The following FKBP6 variants were observed in gnomAD, a reference collection of about 807,000 sequenced individuals.
FKBP6 encodes the protein inactive peptidyl-prolyl cis-trans isomerase FKBP6.
Under a neutral mutation model 41.7 loss-of-function variants are expected in FKBP6, and 29 were observed. That is an observed-to-expected ratio of 0.70 (90% CI 0.52 to 0.95). FKBP6 has a LOEUF of 0.95. Ranked by LOEUF, FKBP6 falls within the 40% of genes least tolerant of loss-of-function variation. FKBP6 has a pLI of 0.00. For synonymous variants in FKBP6, 130 were observed against 165.1 expected (o/e 0.79, Z 1.63); for missense variants, 338 against 408.7 (o/e 0.83, Z 1.49).
chr7:73,345,411 CT>C (rs1242871441), intron 8 of FKBP6, among the ~76,000 whole-genome samples: 1 of 152,020 alleles, frequency 6.6e-6, no homozygotes, highest in Admixed American at 6.6e-5. Flanking sequence ...CTGCAACCTC[CT>C]CCCTAATGGA....
At chr7:73,354,289 G>T (rs1805568489) in intron 8 of FKBP6, among the ~76,000 whole-genome samples, 1 of 152,230 alleles carries the variant, frequency 6.6e-6, no homozygotes, top group Non-Finnish European at 1.5e-5. Context: ...CCTGCAGAGG[G>T]ACGTGGCCAA....
rs371387362 is a variant in FKBP6, at chr7:73,342,851, G to C, written c.938G>C (p.Arg313Pro). The change falls in exon 8 of 9, where the codon CGC becomes CCC. Residue 313 changes from arginine to proline, a missense_variant. Arg to Pro is a moderately radical substitution (Grantham distance 103, BLOSUM62 -2). Around this residue, in one of 2 missense-constraint regions of FKBP6, gnomAD observed 239 missense variants for 250.1 expected, o/e 0.96. Transcript: ENST00000252037. ...GATAAAGAGAAAGAAATGTGGCACC[G>C]CATGTTCGCGCCCTGTGGCGATGGT... ...YVDKEKEMWHRMFAPCGDGST... is the reference protein window; with the variant it reads ...YVDKEKEMWHPMFAPCGDGST... The C allele has an allele frequency of 4.3e-6, 7 of 1,613,806 alleles. No homozygotes were observed. Among genetic ancestry groups the C allele is most frequent in the African/African-American group, 2.7e-5 (2 of 74,948 alleles).
At chr7:73,347,430 A>G (rs1244534781) in intron 8 of FKBP6, among the ~76,000 whole-genome samples, 2 of 152,186 alleles carry the variant, frequency 1.3e-5, no homozygotes, top group Admixed American at 1.3e-4. Flanking sequence ...ACTGAATTTC[A>G]GTTTCTTCTG....
chr7:73,337,897 A>G (rs1161432477), intron 5 of FKBP6, among the ~76,000 whole-genome samples: 5 of 152,120 alleles, frequency 3.3e-5, no homozygotes, highest in African/African-American at 1.2e-4. Flanking sequence ...CTTTGTTTCT[A>G]TGGATTTGCC....
intron 8 of FKBP6, among the ~76,000 whole-genome samples, chr7:73,347,446 T>C (rs1805362506): frequency 6.6e-6 from 1 of 152,116 alleles, no homozygotes; most frequent in Admixed American, 6.6e-5. Flanking sequence ...TTCTGGAGAG[T>C]CTTCCACAGG....
chr7:73,336,403 C>G (rs1805004814), intron 5 of FKBP6, among the ~76,000 whole-genome samples: 3 of 152,162 alleles, frequency 2.0e-5, no homozygotes, highest in Admixed American at 2.0e-4. Context: ...TTCAGGAAGA[C>G]ATTCAAATAT....
In FKBP6 at chr7:73,343,864, C is replaced by A. The variant is rs117404562; in HGVS notation, c.*2+965C>A. Among the ~76,000 whole-genome samples the A allele has an allele frequency of 6.5e-3, 991 of 152,298 alleles. 1 individual carries two copies. Among genetic ancestry groups the A allele is most frequent in the Non-Finnish European group, 0.01 (704 of 68,032 alleles). On this transcript the variant is annotated intron_variant, in intron 8 of 8. Transcript: ENST00000252037. ...GCTGAACGGGCTCATGGTGATAAAT[C>A]TCTCCTTTGTTGCTTCCTCCATCTC...
chr7:73,351,308 G>A (rs1225294692), intron 8 of FKBP6, among the ~76,000 whole-genome samples: 1 of 152,124 alleles, frequency 6.6e-6, no homozygotes, highest in African/African-American at 2.4e-5. Context: ...GGGATTACAG[G>A]CGTGAGCCAC....
chr7:73,353,101 C>T lies in FKBP6; in HGVS notation c.*3-5080C>T, dbSNP rs376235833. On this transcript the variant is annotated intron_variant, in intron 8 of 8. Coordinates refer to ENST00000252037, the MANE Select transcript of FKBP6 (RefSeq NM_003602.5). ...CTCCCTCTCTCCCTTTCTGTCTCTC[C>T]CTCTCTCTCACCCTCTCTGTGAATC... Among the ~76,000 whole-genome samples the T allele has an allele frequency of 1.4e-4, 21 of 152,102 alleles. No individual in the cohort carries two copies. The East Asian group carries it at 2.9e-3, about 21-fold the overall frequency.
At chr7:73,340,528 C>T in intron 5 of FKBP6, 110 bp from the exon 6 acceptor site, 2 of 837,218 alleles carry the variant, frequency 2.4e-6, no homozygotes, top group Non-Finnish European at 4.0e-6. Context: ...TTGTGTCTTG[C>T]AACCTGTAAC....
chr7:73,347,400 C>T (rs1805360707), intron 8 of FKBP6, among the ~76,000 whole-genome samples: 1 of 152,198 alleles, frequency 6.6e-6, no homozygotes, highest in Non-Finnish European at 1.5e-5. Flanking sequence ...TCAAACGCTG[C>T]ATATACACAG....
chr7:73,331,085 A>C (rs1036593913), intron 4 of FKBP6, among the ~76,000 whole-genome samples: 7 of 152,144 alleles, frequency 4.6e-5, no homozygotes, highest in Non-Finnish European at 1.0e-4. Flanking sequence ...TTTCTTGCAA[A>C]TGCCTCGTCC....
At chr7:73,357,488 G>A (rs1310680297) in intron 8 of FKBP6, among the ~76,000 whole-genome samples, 1 of 151,808 alleles carries the variant, frequency 6.6e-6, no homozygotes, top group African/African-American at 2.4e-5. Context: ...TCGAACTACT[G>A]ATGTCAAGTG....
In FKBP6 at chr7:73,358,236, G is replaced by A. The variant is rs1805690177; in HGVS notation, c.*58G>A. The A allele has an allele frequency of 6.6e-6, 1 of 152,122 alleles. No homozygotes were observed. Among genetic ancestry groups the A allele is most frequent in the Non-Finnish European group, 1.5e-5 (1 of 68,032 alleles). 9.4% of individuals were successfully genotyped at this position (152,122 alleles called of 1,614,324 possible). A position where few individuals can be genotyped will look rare whatever the true frequency, so the allele number is the denominator to read the frequency against. ...TGTGGTTCTCCATCATTGGGGGAGT[G>A]GAAGGGAGCTCCCAGCGCAGCCGTG... is the stretch of plus-strand genomic sequence containing the variant. On this transcript the variant is annotated 3_prime_UTR_variant, in exon 9 of 9. Coordinates refer to ENST00000252037, the MANE Select transcript of FKBP6 (RefSeq NM_003602.5).
rs1554546694 is a variant in FKBP6, at chr7:73,328,397, A to G, written c.-32A>G. On this transcript the variant is annotated 5_prime_UTR_variant, in exon 1 of 9. Coordinates refer to ENST00000252037, the MANE Select transcript of FKBP6 (RefSeq NM_003602.5). ...GAGGGCAGCGGGGCGCACCAGGCCGAAGGCTCACGCCACAGGGAGGGCAGC... is the reference window on the plus strand; with the variant it reads ...GAGGGCAGCGGGGCGCACCAGGCCGGAGGCTCACGCCACAGGGAGGGCAGC... The G allele has an allele frequency of 6.4e-7, 1 of 1,569,094 alleles. No homozygotes were observed. Among genetic ancestry groups the G allele is most frequent in the Admixed American group, 1.9e-5 (1 of 51,876 alleles).
intron 8 of FKBP6, among the ~76,000 whole-genome samples, chr7:73,348,100 C>T (rs1554550532): frequency 2.0e-5 from 3 of 152,176 alleles, no homozygotes; most frequent in Non-Finnish European, 2.9e-5. Flanking sequence ...ACGTCTTCCT[C>T]GTTATTCCCT....
At chr7:73,341,227 T>G in intron 6 of FKBP6, 46 bp from the exon 7 acceptor site, 33 of 1,345,954 alleles carry the variant, frequency 2.5e-5, no homozygotes, top group Non-Finnish European at 3.5e-5. Flanking sequence ...CCCAGCCAAA[T>G]GATATCTTTT....
Position 73,358,319 on chromosome 7 carries a change from G to C in FKBP6, c.*141G>C. ...TCCTGTGGCCGCATCTCTCATGGAC[G>C]CGGCTGAAACGTGTTTTCACAGGTG... is the stretch of plus-strand genomic sequence containing the variant. On this transcript the variant is annotated 3_prime_UTR_variant, in exon 9 of 9. Transcript: ENST00000252037. The C allele has an allele frequency of 6.6e-6, 1 of 152,160 alleles. No homozygotes were observed. Among genetic ancestry groups the C allele is most frequent in the East Asian group, 1.9e-4 (1 of 5,192 alleles). 9.4% of individuals were successfully genotyped at this position (152,160 alleles called of 1,614,324 possible).
intron 8 of FKBP6, among the ~76,000 whole-genome samples, chr7:73,353,828 G>C (rs1286063268): frequency 4.0e-5 from 6 of 151,600 alleles, no homozygotes; most frequent in African/African-American, 1.2e-4. Context: ...CTGCTTCCCA[G>C]GTTCAAGCAA....
Sources: gnomAD v4.1 joint callset for allele counts (sites outside exome capture counted in the v4.1 genomes callset) on GRCh38, gnomAD v4.1.1 for gene constraint, gnomAD v4.1.1 regional missense constraint, MANE v1.5 for transcripts, NCBI Gene and HGNC (gene_info 2026-07-23, HGNC 2026-07-21) for gene names.